GPR19: variants seen among roughly 807,000 people sequenced by gnomAD.
GPR19 encodes probable G protein-coupled receptor 19.
Under a neutral mutation model 28.5 loss-of-function variants are expected in GPR19, and 14 were observed. That is an observed-to-expected ratio of 0.49 (90% confidence interval 0.32 to 0.77). GPR19 has a LOEUF of 0.77. Ranked by LOEUF, GPR19 falls within the 30% of genes least tolerant of loss-of-function variation. The pLI is 0.03. For missense variants in GPR19, 409 were observed against 504.1 expected, an observed-to-expected ratio of 0.81 and a Z score of 1.81; for synonymous variants, 173 against 184.1, an observed-to-expected ratio of 0.94 and a Z score of 0.49.
At chr12:12,703,508 G>GGCTTCTATGGCA in the GPR19 span, 10 of 732,908 alleles carry the variant, frequency 1.4e-5, no homozygotes, top group African/African-American at 1.9e-5. Flanking sequence ...CTTTGCCATA[G>GGCTTCTATGGCA]AAGCCTATGG....
At chr12:12,700,421 A>G (rs1434557151), upstream of GPR19, among the ~76,000 whole-genome samples, 12 of 152,142 alleles carry the variant, frequency 7.9e-5, no homozygotes, top group Admixed American at 7.9e-4. Context: ...ATGATGTTGC[A>G]GACTTCCCTT....
intron 2 of GPR19, among the ~76,000 whole-genome samples, chr12:12,685,825 G>T (rs1253928656): frequency 6.6e-6 from 1 of 152,146 alleles, no homozygotes; most frequent in Non-Finnish European, 1.5e-5. Flanking sequence ...AAGAACTCAA[G>T]AAATCAATTT....
At chr12:12,709,996 G>A in the GPR19 span, among the ~76,000 whole-genome samples, 2 of 152,262 alleles carry the variant, frequency 1.3e-5, no homozygotes, top group East Asian at 3.9e-4. Flanking sequence ...TGAGAAGGGA[G>A]TACAGGACAA....
At chr12:12,676,423 A>G (rs1945931526) in intron 3 of GPR19, among the ~76,000 whole-genome samples, 1 of 151,868 alleles carries the variant, frequency 6.6e-6, no homozygotes, top group Non-Finnish European at 1.5e-5. Flanking sequence ...TCTGGCAGAG[A>G]GCTCATCCTG....
At chr12:12,716,561 G>A in the GPR19 span, among the ~76,000 whole-genome samples, 2 of 151,836 alleles carry the variant, frequency 1.3e-5, no homozygotes, top group African/African-American at 4.8e-5. Context: ...AACTAAACGT[G>A]TCTGAGACAG....
chr12:12,672,561 A>C (rs1945869546), intron 3 of GPR19, among the ~76,000 whole-genome samples: 1 of 152,192 alleles, frequency 6.6e-6, no homozygotes, highest in African/African-American at 2.4e-5. Context: ...AGCCTGGCCA[A>C]CATGGTGAAA....
intron 3 of GPR19, among the ~76,000 whole-genome samples, chr12:12,680,362 G>C (rs1227478634): frequency 6.6e-6 from 1 of 152,194 alleles, no homozygotes; most frequent in African/African-American, 2.4e-5. Context: ...GAGTTGCTAT[G>C]AGAATTAAAC....
chr12:12,701,220 G>A, the GPR19 span, among the ~76,000 whole-genome samples: 1 of 152,290 alleles, frequency 6.6e-6, no homozygotes, highest in Admixed American at 6.5e-5. Context: ...CCAAAGGAAG[G>A]CATTCTTGCA....
At chr12:12,663,462 A>C (rs1945712463) in intron 3 of GPR19, among the ~76,000 whole-genome samples, 1 of 152,114 alleles carries the variant, frequency 6.6e-6, no homozygotes, top group Non-Finnish European at 1.5e-5. Flanking sequence ...ATTACTAAGC[A>C]CTTTTTAAAA....
the GPR19 span, among the ~76,000 whole-genome samples, chr12:12,702,350 T>A: frequency 6.6e-6 from 1 of 152,130 alleles, no homozygotes; most frequent in Non-Finnish European, 1.5e-5. Flanking sequence ...TCTAAAATTC[T>A]AAATACAAGT....
the GPR19 span, chr12:12,715,154 GTT>G: frequency 2.0e-5 from 3 of 152,208 alleles, no homozygotes; most frequent in East Asian, 5.8e-4. Context: ...TAGTTTGGGT[GTT>G]TATGCATATG....
intron 3 of GPR19, among the ~76,000 whole-genome samples, chr12:12,669,673 T>C (rs1364735310): frequency 6.6e-6 from 1 of 152,056 alleles, no homozygotes; most frequent in Admixed American, 6.6e-5. Flanking sequence ...ACACCAAAAA[T>C]TGAAGTTTTG....
intron 3 of GPR19, 29 bp from the exon 4 acceptor site, chr12:12,662,499 C>G (rs562022021): frequency 6.5e-6 from 10 of 1,541,644 alleles, no homozygotes; most frequent in Middle Eastern, 1.7e-4. Flanking sequence ...AATGAGGCCT[C>G]CTGTTAAAAA....
At chr12:12,716,828 G>A in the GPR19 span, 1 of 984,948 alleles carries the variant, frequency 1.0e-6, no homozygotes, top group African/African-American at 1.7e-5. Context: ...CCCAGCAAAG[G>A]CACGCCGGCG....
upstream of GPR19, among the ~76,000 whole-genome samples, chr12:12,697,168 A>AAAAAAAAAAAAAAAAAAAC (rs1464886445): frequency 6.7e-6 from 1 of 149,234 alleles, no homozygotes; most frequent in African/African-American, 2.4e-5. Context: ...AAAAAAAAAA[A>AAAAAAAAAAAAAAAAAAAC]AAAAAAAAAG....
chr12:12,665,566 C>T (rs1166371550), intron 3 of GPR19, among the ~76,000 whole-genome samples: 2 of 152,220 alleles, frequency 1.3e-5, no homozygotes, highest in African/African-American at 2.4e-5. Flanking sequence ...CGGCCGAGCG[C>T]GGTGGCTCAC....
chr12:12,711,231 T>G, the GPR19 span, among the ~76,000 whole-genome samples: 1 of 150,348 alleles, frequency 6.7e-6, no homozygotes, highest in African/African-American at 2.5e-5. Context: ...GAGGTGGAGG[T>G]TGCAGTGAGC....
At chr12:12,699,344 G>GA (rs1307650756), upstream of GPR19, among the ~76,000 whole-genome samples, 44 of 151,488 alleles carry the variant, frequency 2.9e-4, no homozygotes, top group South Asian at 4.2e-4. Flanking sequence ...TCTGTCTCAA[G>GA]AAAAAAAAAT....
At chr12:12,664,956 A>G (rs1945745822) in intron 3 of GPR19, among the ~76,000 whole-genome samples, 1 of 149,384 alleles carries the variant, frequency 6.7e-6, no homozygotes, top group African/African-American at 2.5e-5. Flanking sequence ...AGAAATCAGG[A>G]CATAAGATCT....
Sources: allele counts gnomAD v4.1 joint callset (sites outside exome capture counted in the v4.1 genomes callset), GRCh38; gene constraint gnomAD v4.1.1; transcripts MANE v1.5; gene names NCBI Gene and HGNC (gene_info 2026-07-23, HGNC 2026-07-21).